The following PDE8B variants were observed in gnomAD, a reference collection of about 807,000 sequenced individuals.
The protein encoded by PDE8B is high affinity cAMP-specific and IBMX-insensitive 3',5'-cyclic phosphodiesterase 8B.
In PDE8B, 26 loss-of-function variants were observed where a neutral mutation model predicts 101.3. The ratio of observed to expected loss-of-function variants is 0.26; its 90% CI spans 0.19 to 0.36. The LOEUF is 0.36. Ranked by LOEUF, PDE8B falls within the 10% of genes least tolerant of loss-of-function variation. The pLI, the probability that PDE8B is intolerant of heterozygous loss-of-function variation, is 1.00. For missense variants in PDE8B, 810 were observed against 1,163.1 expected (o/e 0.70, Z 4.42); for synonymous variants, 424 against 429.3 (o/e 0.99, Z 0.15).
At chr5:77,401,870 A>G (rs891868469) in intron 11 of PDE8B, among the ~76,000 whole-genome samples, 4 of 152,216 alleles carry the variant, frequency 2.6e-5, no homozygotes, top group African/African-American at 7.2e-5. Context: ...TTCTATTGCT[A>G]TAGATTCTCT....
the PDE8B span, among the ~76,000 whole-genome samples, chr5:77,132,279 C>T: frequency 1.3e-5 from 2 of 152,116 alleles, no homozygotes; most frequent in East Asian, 3.9e-4. Flanking sequence ...AGACTCAATA[C>T]ATTTCCTCCA....
At chr5:77,172,759 G>C in the PDE8B span, among the ~76,000 whole-genome samples, 2 of 152,316 alleles carry the variant, frequency 1.3e-5, no homozygotes, top group Non-Finnish European at 1.5e-5. Context: ...TGACTAGGGG[G>C]AGCACAGGCT....
intron 8 of PDE8B, among the ~76,000 whole-genome samples, chr5:77,350,044 A>G (rs1315964607): frequency 6.6e-6 from 1 of 152,066 alleles, no homozygotes; most frequent in African/African-American, 2.4e-5. Flanking sequence ...CTTCCCCTTC[A>G]TCTGGGTAGA....
At chr5:77,134,218 A>G in the PDE8B span, 1 of 152,252 alleles carries the variant, frequency 6.6e-6, no homozygotes, top group African/African-American at 2.4e-5. Context: ...GCTGGAGGCA[A>G]TGCTCTGAAA....
chr5:77,309,516 T>C (rs1171505450), intron 1 of PDE8B, among the ~76,000 whole-genome samples: 1 of 152,004 alleles, frequency 6.6e-6, no homozygotes, highest in Non-Finnish European at 1.5e-5. Context: ...GGTGGTCTTG[T>C]TGGAGGGGGC....
chr5:77,347,836 G>T (rs113771615), intron 7 of PDE8B, among the ~76,000 whole-genome samples: 1 of 152,028 alleles, frequency 6.6e-6, no homozygotes, highest in African/African-American at 2.4e-5. Flanking sequence ...GGAAAGGCCC[G>T]GAGATGAGAG....
At chr5:77,326,905 A>G (rs1358870477) in intron 3 of PDE8B, among the ~76,000 whole-genome samples, 2 of 152,250 alleles carry the variant, frequency 1.3e-5, no homozygotes, top group African/African-American at 2.4e-5. Context: ...AACAGGAAGA[A>G]ATCTTTTAAT....
intron 1 of PDE8B, among the ~76,000 whole-genome samples, chr5:77,240,671 T>C (rs1755597860): frequency 6.6e-6 from 1 of 152,248 alleles, no homozygotes. Context: ...ATACCCACAC[T>C]AATTATTCAA....
intron 1 of PDE8B, among the ~76,000 whole-genome samples, chr5:77,238,001 C>A (rs1755034632): frequency 6.6e-6 from 1 of 152,004 alleles, no homozygotes; most frequent in South Asian, 2.1e-4. Context: ...GTACCATTTT[C>A]TTTGGATGCT....
chr5:77,301,706 G>C (rs1769980631), intron 1 of PDE8B, among the ~76,000 whole-genome samples: 1 of 152,192 alleles, frequency 6.6e-6, no homozygotes, highest in African/African-American at 2.4e-5. Context: ...AAATTCCTGT[G>C]TTCTCCCAGT....
At chr5:77,425,535 A>G (rs1389900906) in intron 20 of PDE8B, among the ~76,000 whole-genome samples, 1 of 152,206 alleles carries the variant, frequency 6.6e-6, no homozygotes, top group Non-Finnish European at 1.5e-5. Flanking sequence ...CTTGGGCAAC[A>G]GAGTGAGACA....
chr5:77,119,344 T>C, the PDE8B span: 35 of 152,308 alleles, frequency 2.3e-4, no homozygotes, highest in African/African-American at 8.4e-4. Context: ...TGAAAATATC[T>C]GTATATAAAC....
At position 77,290,235 on chromosome 5, in the gene PDE8B, C is replaced by T; in HGVS notation, c.340-21759C>T. 1.9e-6 allele frequency: 3 copies of T among 1,547,066 alleles called. No individual in the cohort carries two copies. The South Asian group carries it at 3.6e-5, about 18-fold the overall frequency. Reference sequence around the variant, plus strand: ...TGTGCACGCTGCAAAGACCAGCAAGCTCCTTGGACCTTGGAGCAGGCCTGC... The same window carrying T: ...TGTGCACGCTGCAAAGACCAGCAAGTTCCTTGGACCTTGGAGCAGGCCTGC... On this transcript the variant is annotated intron_variant, in intron 1 of 21. Transcript: ENST00000264917.
chr5:77,414,057 G>A (rs2151114356), intron 17 of PDE8B, among the ~76,000 whole-genome samples: 1 of 152,292 alleles, frequency 6.6e-6, no homozygotes, highest in Non-Finnish European at 1.5e-5. Context: ...GCCATATGGG[G>A]ATTGAAATTC....
chr5:77,187,175 C>A, the PDE8B span, among the ~76,000 whole-genome samples: 1 of 152,158 alleles, frequency 6.6e-6, no homozygotes, highest in East Asian at 1.9e-4. Context: ...ACAAAGGTTA[C>A]ACTATGATTT....
chr5:77,373,581 AAAATT>A (rs1273423304), intron 10 of PDE8B, among the ~76,000 whole-genome samples: 1 of 152,232 alleles, frequency 6.6e-6, no homozygotes, highest in Non-Finnish European at 1.5e-5. Context: ...TTATGTAAAT[AAAATT>A]AGAGAGTGTA....
chr5:77,380,014 T>A (rs1313293642), intron 10 of PDE8B, among the ~76,000 whole-genome samples: 1 of 152,248 alleles, frequency 6.6e-6, no homozygotes, highest in Admixed American at 6.5e-5. Context: ...GAATGTTCAG[T>A]CTTAAAAGTG....
At chr5:77,263,602 C>A (rs373585953) in intron 1 of PDE8B, among the ~76,000 whole-genome samples, 9 of 152,144 alleles carry the variant, frequency 5.9e-5, no homozygotes, top group East Asian at 5.8e-4. Flanking sequence ...GTAATTATCT[C>A]ATGTGATTTG....
the PDE8B span, among the ~76,000 whole-genome samples, chr5:77,196,158 G>A: frequency 6.6e-6 from 1 of 151,950 alleles, no homozygotes; most frequent in Non-Finnish European, 1.5e-5. Context: ...TTTCTTTTTA[G>A]TATACACTAG....
Sources: gnomAD v4.1 joint callset for allele counts (sites outside exome capture counted in the v4.1 genomes callset) on GRCh38, gnomAD v4.1.1 for gene constraint, MANE v1.5 for transcripts, NCBI Gene and HGNC (gene_info 2026-07-23, HGNC 2026-07-21) for gene names.